The following EVC2 variants were observed in gnomAD, a reference collection of about 807,000 sequenced individuals.
EVC2 encodes the protein EvC ciliary complex subunit 2.
A neutral mutation model predicts 149.3 loss-of-function variants in EVC2; 148 were observed. That is an observed-to-expected ratio of 0.99 (90% CI 0.87 to 1.14). The LOEUF (loss-of-function observed/expected upper bound fraction) is 1.14, where lower values mean the gene tolerates loss of function less well. Ranked by LOEUF, EVC2 falls within the 50% of genes most tolerant of loss-of-function variation. EVC2 has a pLI of 0.00. For missense variants in EVC2, 1,854 were observed against 1,627.3 expected (o/e 1.14, Z -2.40); for synonymous variants, 776 against 649.9 (o/e 1.19, Z -2.95).
At chr4:5,537,201 C>G in the EVC2 span, among the ~76,000 whole-genome samples, 1 of 152,190 alleles carries the variant, frequency 6.6e-6, no homozygotes, top group Non-Finnish European at 1.5e-5. Flanking sequence ...GAAGGGAACC[C>G]AGGCAGAGCC....
intron 1 of EVC2, among the ~76,000 whole-genome samples, chr4:5,706,087 A>G (rs1301028042): frequency 4.0e-5 from 6 of 151,858 alleles, no homozygotes; most frequent in Non-Finnish European, 8.8e-5. Flanking sequence ...CGATTCCTCC[A>G]CTTGGGATGT....
chr4:5,675,501 TA>T (rs1335287426), intron 7 of EVC2, among the ~76,000 whole-genome samples: 1 of 152,260 alleles, frequency 6.6e-6, no homozygotes, highest in Non-Finnish European at 1.5e-5. Context: ...AATGCTGCAT[TA>T]ATGTAGCTTT....
rs774137577 is a variant in EVC2, at chr4:5,631,884, A to G, written c.1619T>C (p.Ile540Thr). The G allele has an allele frequency of 2.5e-6, 4 of 1,614,242 alleles. No homozygotes were observed. Among genetic ancestry groups the G allele is most frequent in the East Asian group, 4.5e-5 (2 of 44,882 alleles). ...AVFQRNELHS[I>T]FFTQIKSAIF... ...AGCACTTTTTATCTGGGTAAAAAAG[A>G]TACTGTGCAGTTCATTTCTCTGGAA... Residue 540 changes from isoleucine (I) to threonine (T), a missense_variant, in exon 11 of 22, where the codon ATC becomes ACC. Ile to Thr is a moderately conservative substitution (Grantham distance 89). Transcript: ENST00000344408.
In EVC2 at chr4:5,576,841, T is replaced by A. The variant is rs1722966288; in HGVS notation, c.3058-387A>T. On this transcript the variant is annotated intron_variant, in intron 17 of 21. Transcript: ENST00000344408. The surrounding 1 kb of genome is among the most constrained non-coding windows in gnomAD (Gnocchi z 4.5). ...CACTACCCCTTGCATGCACTCTGTTTCCTGTCACCTGAAATCACTGTCCTG... is the reference window on the plus strand; with the variant it reads ...CACTACCCCTTGCATGCACTCTGTTACCTGTCACCTGAAATCACTGTCCTG... 6.6e-6 allele frequency among the ~76,000 whole-genome samples: 1 copy of A among 152,216 alleles called. No homozygotes were observed. The highest frequency in any genetic ancestry group is 6.5e-5 in the Admixed American group (1 of 15,286).
chr4:5,708,582 C>A, upstream of EVC2: 1 of 1,161,520 alleles, frequency 8.6e-7, no homozygotes, highest in Non-Finnish European at 1.1e-6. Context: ...GGACCCCAGG[C>A]CCGCCCCGCC....
downstream of EVC2, among the ~76,000 whole-genome samples, chr4:5,539,657 C>T (rs1269053218): frequency 6.6e-6 from 1 of 152,060 alleles, no homozygotes; most frequent in Non-Finnish European, 1.5e-5. Context: ...TGATTTTCAA[C>T]AAAGGCGGAA....
At chr4:5,552,834 G>C (rs4645172) in intron 21 of EVC2, among the ~76,000 whole-genome samples, 69,975 of 152,004 alleles carry the variant, frequency 0.46, 17,793 homozygotes, top group East Asian at 0.93. Flanking sequence ...AAGAACACTA[G>C]ATAGCAACAG....
downstream of EVC2, among the ~76,000 whole-genome samples, chr4:5,559,665 G>GAT (rs1210627999): frequency 7.9e-5 from 12 of 152,212 alleles, no homozygotes; most frequent in African/African-American, 2.9e-4. The surrounding 1 kb of genome is among the most constrained non-coding windows in gnomAD (Gnocchi z 5.0). Context: ...ATGTTAAAGG[G>GAT]ATATGGGAGA....
At chr4:5,570,160 A>T (rs74908299) in intron 19 of EVC2, among the ~76,000 whole-genome samples, 183 of 152,212 alleles carry the variant, frequency 1.2e-3, no homozygotes, top group African/African-American at 4.1e-3. Flanking sequence ...GGCTCTTAGG[A>T]TGAAGTCAGT....
chr4:5,607,016 C>G (rs771453431), intron 16 of EVC2, among the ~76,000 whole-genome samples: 3 of 152,200 alleles, frequency 2.0e-5, no homozygotes, highest in South Asian at 2.1e-4. Context: ...AAATTAGTTA[C>G]ATGTTTTATG....
chr4:5,692,891 GAAA>G lies in EVC2; in HGVS notation c.450+1441_450+1443del, dbSNP rs55751791. ...TCCGTCTCAAAAAAAAAAAAAAAAA[GAAA>G]AAAGAAAATTAACAAAAATGCCATT... On this transcript the variant is annotated intron_variant, in intron 3 of 21. Transcript: ENST00000344408. Among the ~76,000 whole-genome samples, 16 of 67,874 alleles carry G rather than the reference GAAA, an allele frequency of 2.4e-4. 2 individuals carry two copies. The highest frequency in any genetic ancestry group is 3.2e-4 in the Admixed American group (2 of 6,290). The allele number at this position is 67,874 out of a possible 152,430, so 44.5% of individuals were successfully genotyped here.
intron 7 of EVC2, among the ~76,000 whole-genome samples, chr4:5,672,973 G>T (rs993668084): frequency 6.6e-6 from 1 of 152,186 alleles, no homozygotes; most frequent in African/African-American, 2.4e-5. Context: ...CAGATGAGTG[G>T]TTTGCCAGGG....
At chr4:5,708,770 G>A (rs962240614), upstream of EVC2, 1 of 392,274 alleles carries the variant, frequency 2.5e-6, no homozygotes, top group Non-Finnish European at 4.5e-6. Flanking sequence ...ATCAGAGCGG[G>A]TCACTCCCCT....
In EVC2 at chr4:5,640,740, G is replaced by A. The variant is rs771229648; in HGVS notation, c.1244C>T (p.Thr415Ile). Residue 415 changes from threonine to isoleucine, a missense_variant, in exon 10 of 22, where the codon ACC (threonine) becomes ATC (isoleucine). Transcript: ENST00000344408. This position sits in a 1 kb window ranked among gnomAD's most constrained non-coding sequence, Gnocchi z 4.6. ...TTGGGGTGAGAGGTGGCCACTGCTG[G>A]TGAGATTTTTCAGCAGAAGGGCAAT... ...DIIALLLKNL[T>I]SSGHLSPQVE... is the part of the protein sequence containing the mutation. 7 of 1,614,156 alleles carry A rather than the reference G, an allele frequency of 4.3e-6. No homozygotes were observed. Among genetic ancestry groups the A allele is most frequent in the Non-Finnish European group, 5.9e-6 (7 of 1,180,022 alleles).
chr4:5,605,521 T>A (rs952091418), intron 16 of EVC2, among the ~76,000 whole-genome samples: 1 of 152,184 alleles, frequency 6.6e-6, no homozygotes, highest in African/African-American at 2.4e-5. Context: ...GATAGATAGA[T>A]AGATGTGGAC....
chr4:5,661,379 T>A (rs1044994143), intron 9 of EVC2, among the ~76,000 whole-genome samples: 3 of 152,210 alleles, frequency 2.0e-5, no homozygotes, highest in African/African-American at 7.2e-5. Flanking sequence ...TAGAAGAAGA[T>A]AACATCACCC....
At chr4:5,615,718 T>G (rs1715198175) in intron 15 of EVC2, among the ~76,000 whole-genome samples, 174 bp from the exon 16 acceptor site, 1 of 152,140 alleles carries the variant, frequency 6.6e-6, no homozygotes, top group African/African-American at 2.4e-5. Flanking sequence ...GGAGCTCAGT[T>G]TCAGAGCCTT....
intron 4 of EVC2, among the ~76,000 whole-genome samples, chr4:5,689,952 A>G (rs142654207): frequency 2.9e-3 from 443 of 152,256 alleles, no homozygotes; most frequent in African/African-American, 0.01. Flanking sequence ...GCTTCTCTCC[A>G]GCTCTGCTGA....
intron 19 of EVC2, among the ~76,000 whole-genome samples, chr4:5,570,599 G>A (rs556340311): frequency 2.8e-3 from 421 of 152,294 alleles, no homozygotes; most frequent in African/African-American, 9.3e-3. Context: ...GTTCCTTAAA[G>A]AACTAAAAGT....
Sources: allele counts gnomAD v4.1 joint callset (sites outside exome capture counted in the v4.1 genomes callset), GRCh38; gene constraint gnomAD v4.1.1; non-coding constraint Gnocchi (gnomAD v3.1); transcripts MANE v1.5; gene names NCBI Gene and HGNC (gene_info 2026-07-23, HGNC 2026-07-21).